Variants in ANKS1B observed in about 807,000 individuals in gnomAD.
The protein encoded by ANKS1B is ankyrin repeat and sterile alpha motif domain-containing protein 1B.
ANKS1B carries 36 observed loss-of-function variants against 148.3 expected under a neutral mutation model. The observed-to-expected ratio is 0.24, with a 90% CI of 0.19 to 0.32. ANKS1B has a LOEUF of 0.32. ANKS1B is among the 10% of genes least tolerant of loss of function. The probability of loss-of-function intolerance (pLI) is 1.00; values close to 1 mark genes in which losing one functional copy is unlikely to be tolerated. For missense variants in ANKS1B, 1,157 were observed against 1,542.6 expected (o/e 0.75, Z 4.19); for synonymous variants, 542 against 560.8 (o/e 0.97, Z 0.47).
At chr12:99,042,876 T>C (rs1394524663) in intron 17 of ANKS1B, among the ~76,000 whole-genome samples, 1 of 152,218 alleles carries the variant, frequency 6.6e-6, no homozygotes, top group Non-Finnish European at 1.5e-5. Context: ...CTTGGAAGAC[T>C]GCTTTTAGCC....
chr12:99,752,979 T>C (rs10860508), intron 8 of ANKS1B, among the ~76,000 whole-genome samples: 36,605 of 152,032 alleles, frequency 0.24, 4,658 homozygotes, highest in African/African-American at 0.29. Context: ...CCTCCTTTCA[T>C]AAATAATATA....
At chr12:99,751,179 A>G (rs2061073768) in intron 8 of ANKS1B, among the ~76,000 whole-genome samples, 1 of 152,084 alleles carries the variant, frequency 6.6e-6, no homozygotes, top group African/African-American at 2.4e-5. Flanking sequence ...AATTAACATA[A>G]TTAAACTTAT....
intron 12 of ANKS1B, among the ~76,000 whole-genome samples, chr12:99,393,993 G>T (rs1373274640): frequency 6.6e-6 from 1 of 152,096 alleles, no homozygotes; most frequent in Non-Finnish European, 1.5e-5. Context: ...GCTGACATAG[G>T]CTGGAGAAAA....
Position 99,573,915 on chromosome 12 carries a change from T to A in ANKS1B, c.1273-69274A>T, listed in dbSNP as rs552007589. On this transcript the variant is annotated intron_variant, in intron 9 of 26. Coordinates refer to ENST00000683438, the MANE Select transcript of ANKS1B (RefSeq NM_001352186.2). ...CGCTACTCAAAAAAAAAATTTTTTT[T>A]AATTTCTCTTTTTTATCATTTTTTT... 3.3e-4 allele frequency among the ~76,000 whole-genome samples: 50 copies of A among 152,166 alleles called. No homozygotes were observed. In the South Asian group the frequency reaches 9.9e-3, roughly 30 times the overall value.
chr12:99,499,930 G>C (rs2096639436), intron 10 of ANKS1B, among the ~76,000 whole-genome samples: 1 of 151,870 alleles, frequency 6.6e-6, no homozygotes, highest in Non-Finnish European at 1.5e-5. Flanking sequence ...ACCGAGATTG[G>C]GCAGCAGACA....
intron 25 of ANKS1B, among the ~76,000 whole-genome samples, chr12:98,767,248 C>G (rs1259933041): frequency 6.6e-6 from 1 of 152,206 alleles, no homozygotes; most frequent in Non-Finnish European, 1.5e-5. Context: ...TCTTGCCCCA[C>G]ACTTTGGCTG....
At chr12:98,942,252 G>T (rs934157485) in intron 17 of ANKS1B, among the ~76,000 whole-genome samples, 1 of 151,778 alleles carries the variant, frequency 6.6e-6, no homozygotes. Context: ...GTGGGAGGTG[G>T]GGGAGCGGGG....
chr12:99,605,912 C>G (rs905640917), intron 9 of ANKS1B, among the ~76,000 whole-genome samples: 3 of 151,934 alleles, frequency 2.0e-5, no homozygotes, highest in African/African-American at 4.8e-5. Context: ...GAATTCCATG[C>G]CAATTTCCCT....
chr12:99,734,027 C>A (rs187366665), intron 8 of ANKS1B, among the ~76,000 whole-genome samples: 4 of 152,152 alleles, frequency 2.6e-5, no homozygotes, highest in Non-Finnish European at 5.9e-5. Flanking sequence ...TGTTCCAAAC[C>A]TTAATCACCA....
chr12:99,143,615 G>A (rs2071818708), intron 15 of ANKS1B, among the ~76,000 whole-genome samples: 1 of 152,074 alleles, frequency 6.6e-6, no homozygotes, highest in African/African-American at 2.4e-5. Flanking sequence ...CACTGCTACT[G>A]TTTGATGTGG....
At chr12:99,855,310 C>T (rs932195197) in intron 1 of ANKS1B, among the ~76,000 whole-genome samples, 1 of 151,866 alleles carries the variant, frequency 6.6e-6, no homozygotes, top group East Asian at 1.9e-4. Flanking sequence ...TTTAAAAACA[C>T]AAAAAGGGAC....
chr12:99,981,851 T>C (rs1246258894), intron 1 of ANKS1B, among the ~76,000 whole-genome samples: 2 of 152,152 alleles, frequency 1.3e-5, no homozygotes, highest in Admixed American at 6.5e-5. Context: ...AAACATATTC[T>C]ACAGTTCCTT....
chr12:99,728,154 T>C (rs1335616080), intron 8 of ANKS1B, among the ~76,000 whole-genome samples: 2 of 152,188 alleles, frequency 1.3e-5, no homozygotes, highest in South Asian at 2.1e-4. Flanking sequence ...AAAGAGCTTC[T>C]GCACAGCAAA....
intron 15 of ANKS1B, among the ~76,000 whole-genome samples, chr12:99,131,458 A>G (rs2066058441): frequency 6.6e-6 from 1 of 152,234 alleles, no homozygotes; most frequent in African/African-American, 2.4e-5. Context: ...ACTTTGGCCA[A>G]GCACAAATAG....
chr12:98,903,349 G>A (rs779440736), intron 17 of ANKS1B, among the ~76,000 whole-genome samples: 10 of 152,026 alleles, frequency 6.6e-5, no homozygotes, highest in Non-Finnish European at 1.2e-4. Context: ...GTGGACCCAT[G>A]AGCCACTGGC....
At chr12:99,282,309 T>C (rs2078570794) in intron 12 of ANKS1B, among the ~76,000 whole-genome samples, 1 of 152,124 alleles carries the variant, frequency 6.6e-6, no homozygotes, top group Non-Finnish European at 1.5e-5. Context: ...CCAGTGTGGC[T>C]GGAGCAAAGT....
intron 17 of ANKS1B, among the ~76,000 whole-genome samples, chr12:98,897,687 A>G (rs1450906161): frequency 6.6e-6 from 1 of 152,236 alleles, no homozygotes; most frequent in Non-Finnish European, 1.5e-5. Context: ...AAACAGAACT[A>G]CCATTCGACC....
chr12:99,606,624 A>T (rs1239650026), intron 9 of ANKS1B, among the ~76,000 whole-genome samples: 1 of 152,088 alleles, frequency 6.6e-6, no homozygotes, highest in Non-Finnish European at 1.5e-5. Context: ...TCATATTTTA[A>T]CTTACTTAGA....
At chr12:99,160,855 C>T (rs548027082) in intron 14 of ANKS1B, among the ~76,000 whole-genome samples, 10 of 152,160 alleles carry the variant, frequency 6.6e-5, no homozygotes, top group Non-Finnish European at 1.0e-4. Flanking sequence ...TGTAGGTGTG[C>T]GGCTTTATAT....
Sources: allele counts gnomAD v4.1 joint callset (sites outside exome capture counted in the v4.1 genomes callset), GRCh38; gene constraint gnomAD v4.1.1; transcripts MANE v1.5; gene names NCBI Gene and HGNC (gene_info 2026-07-23, HGNC 2026-07-21).